The following DEAF1 variants were observed in gnomAD, a reference collection of about 807,000 sequenced individuals.
DEAF1 encodes the protein deformed epidermal autoregulatory factor 1 homolog.
Under a neutral mutation model 58.9 loss-of-function variants are expected in DEAF1, and 53 were observed. The ratio of observed to expected loss-of-function variants is 0.90; its 90% CI spans 0.72 to 1.13. The LOEUF is 1.13. Among genes scored for constraint, DEAF1 ranks in the 50% most tolerant of loss-of-function variants. The pLI is 0.00. For synonymous variants in DEAF1, 385 were observed against 340.4 expected (o/e 1.13, Z -1.44); for missense variants, 685 against 791.4 (o/e 0.87, Z 1.61).
chr11:691,423 C>A, intron 2 of DEAF1, 78 bp downstream of exon 2: 1 of 1,388,342 alleles, frequency 7.2e-7, no homozygotes, highest in East Asian at 2.3e-5. Flanking sequence ...GGGCTGAACC[C>A]CGGGAGAGCC....
intron 1 of DEAF1, chr11:704,782 C>A: frequency 1.7e-6 from 1 of 598,882 alleles, no homozygotes; most frequent in Non-Finnish European, 2.5e-6. Context: ...TGAGGGCAGG[C>A]TCCGCACTCA....
intron 1 of DEAF1, chr11:704,201 T>C: frequency 9.9e-7 from 1 of 1,013,866 alleles, no homozygotes; most frequent in Non-Finnish European, 1.3e-6. Flanking sequence ...ACACCCCACT[T>C]GCCAGCTGGT....
At chr11:694,261 G>A (rs940580805) in intron 1 of DEAF1, among the ~76,000 whole-genome samples, 3 of 151,158 alleles carry the variant, frequency 2.0e-5, no homozygotes, top group Non-Finnish European at 4.4e-5. Flanking sequence ...GGCCAGGTCA[G>A]GTGAGGCTAG....
rs747955550 is a variant in DEAF1, at chr11:691,492, G to A, written c.387+9C>T. On this transcript the variant is annotated intron_variant, in intron 2 of 11. Coordinates refer to ENST00000382409, the MANE Select transcript of DEAF1 (RefSeq NM_021008.4). ...CCCGCCCTGGGCTGTGCCCCTCGGA[G>A]CAGCTTACCAGAACATGTCCTGAGA... The A allele has an allele frequency of 4.3e-6, 7 of 1,611,214 alleles. No individual in the cohort carries two copies. The highest frequency in any genetic ancestry group is 5.9e-6 in the Non-Finnish European group (7 of 1,179,846).
At chr11:698,840 G>T, upstream of DEAF1, 1 of 1,614,108 alleles carries the variant, frequency 6.2e-7, no homozygotes, top group Non-Finnish European at 8.5e-7. Flanking sequence ...TGGCTGTCAG[G>T]CCTTGCTCAC....
chr11:682,263 T>G (rs933072939), intron 6 of DEAF1, among the ~76,000 whole-genome samples: 1 of 152,238 alleles, frequency 6.6e-6, no homozygotes, highest in Non-Finnish European at 1.5e-5. Flanking sequence ...AACAATGCCC[T>G]GGGGCACACA....
intron 6 of DEAF1, among the ~76,000 whole-genome samples, 189 bp downstream of exon 6, chr11:684,709 C>T (rs1453761610): frequency 2.0e-5 from 3 of 152,164 alleles, no homozygotes; most frequent in Non-Finnish European, 2.9e-5. Context: ...TGTTCCCCAT[C>T]GAGACATCAG....
intron 10 of DEAF1, among the ~76,000 whole-genome samples, chr11:669,631 G>A (rs1194763102): frequency 1.4e-5 from 2 of 144,800 alleles, no homozygotes; most frequent in Admixed American, 7.1e-5. Flanking sequence ...AGCGAAACTT[G>A]TCTCAAAAAA....
At chr11:704,993 G>T (rs529247811) in intron 1 of DEAF1, 30 of 255,516 alleles carry the variant, frequency 1.2e-4, no homozygotes, top group African/African-American at 6.0e-4. Context: ...ATCACGGCAG[G>T]TTCCTGGAGA....
intron 11 of DEAF1, among the ~76,000 whole-genome samples, chr11:648,656 G>A (rs1216071040): frequency 2.6e-5 from 4 of 152,126 alleles, no homozygotes; most frequent in Non-Finnish European, 4.4e-5. Context: ...AATAGTGTTT[G>A]CCAGGAATGT....
At chr11:700,756 C>G in intron 1 of DEAF1, 1 of 1,487,542 alleles carries the variant, frequency 6.7e-7, no homozygotes, top group Non-Finnish European at 9.4e-7. Flanking sequence ...GAGTTGCTAT[C>G]TGTTTCCACA....
intron 11 of DEAF1, among the ~76,000 whole-genome samples, chr11:653,616 C>T (rs955647832): frequency 1.4e-5 from 2 of 146,446 alleles, no homozygotes; most frequent in Non-Finnish European, 3.0e-5. Flanking sequence ...CAGTCTCTCT[C>T]ACGTGGCTCT....
intron 8 of DEAF1, 26 bp downstream of exon 8, chr11:679,658 ACGCG>A (rs1483836566): frequency 5.6e-6 from 9 of 1,607,772 alleles, no homozygotes; most frequent in Non-Finnish European, 6.8e-6. Context: ...TATGCTGAGG[ACGCG>A]TCAGGCAGGC....
rs748533024 is a variant in DEAF1, at chr11:691,614, C to G, written c.290-16G>C. The G allele has an allele frequency of 6.2e-7, 1 of 1,611,368 alleles. No individual in the cohort carries two copies. The highest frequency in any genetic ancestry group is 1.7e-5 in the Admixed American group (1 of 59,940). On this transcript the variant is annotated splice_polypyrimidine_tract_variant and intron_variant, in intron 1 of 11. Transcript: ENST00000382409. ...GTGGTCACCTCTGCAACAGAAGGAG[C>G]CTCATTTAACAAGCAACAAAAGCCA...
At chr11:680,573 G>A (rs1020989417) in intron 7 of DEAF1, among the ~76,000 whole-genome samples, 2 of 152,158 alleles carry the variant, frequency 1.3e-5, no homozygotes, top group African/African-American at 2.4e-5. Flanking sequence ...TCCTGACGCC[G>A]CCCTCCAGCC....
At chr11:681,346 G>A (rs1485419120) in intron 6 of DEAF1, among the ~76,000 whole-genome samples, 2 of 151,684 alleles carry the variant, frequency 1.3e-5, no homozygotes, top group African/African-American at 4.9e-5. Context: ...GTGATTCTGC[G>A]TTAGTCTCCT....
Position 674,722 on chromosome 11 carries a change from G to C in DEAF1, c.1317C>G (p.Pro439=). The change falls in exon 10 of 12, where the codon CCC becomes CCG. Residue 439 remains proline, a synonymous_variant. Coordinates refer to ENST00000382409, the MANE Select transcript of DEAF1 (RefSeq NM_021008.4). ...PPPTPTKAAP[P]ALVNGLELSE... ...ACAGCTCCAGCCCATTGACCAACGC[G>C]GGAGGTGCCGCTTTGGTGGGAGTCG... 1 of 1,613,896 alleles carries C rather than the reference G, an allele frequency of 6.2e-7. No individual in the cohort carries two copies. The highest frequency in any genetic ancestry group is 8.5e-7 in the Non-Finnish European group (1 of 1,180,040).
intron 1 of DEAF1, chr11:700,255 A>G (rs759901740): frequency 4.3e-5 from 69 of 1,602,368 alleles, no homozygotes; most frequent in Non-Finnish European, 5.5e-5. Context: ...GGACGGGCAC[A>G]GTGGCTCACG....
intron 11 of DEAF1, 70 bp downstream of exon 11, chr11:653,892 A>T: frequency 7.1e-7 from 1 of 1,402,396 alleles, no homozygotes; most frequent in Non-Finnish European, 1.0e-6. Context: ...AAGGGGAGGG[A>T]GGGCCACCCA....
Sources: allele counts gnomAD v4.1 joint callset (sites outside exome capture counted in the v4.1 genomes callset), GRCh38; gene constraint gnomAD v4.1.1; transcripts MANE v1.5; gene names NCBI Gene and HGNC (gene_info 2026-07-23, HGNC 2026-07-21).